Variants in LRBA observed in about 807,000 individuals in gnomAD.
LRBA encodes the protein LPS responsive beige-like anchor protein, also known as lipopolysaccharide-responsive and beige-like anchor protein.
Under a neutral mutation model 330.0 loss-of-function variants are expected in LRBA, and 176 were observed. The ratio of observed to expected loss-of-function variants is 0.53; its 90% CI spans 0.47 to 0.60. LRBA has a LOEUF of 0.60. Among genes scored for constraint, LRBA ranks in the 20% least tolerant of loss-of-function variants. The pLI is 0.00. For synonymous variants in LRBA, 1,230 were observed against 1,193.0 expected (o/e 1.03, Z -0.64); for missense variants, 3,259 against 3,444.8 (o/e 0.95, Z 1.35).
chr4:150,583,854 G>T lies in LRBA; in HGVS notation c.6330+4194C>A. On this transcript the variant is annotated intron_variant, in intron 40 of 56. Transcript: ENST00000651943. This position sits in a 1 kb window ranked among gnomAD's most constrained non-coding sequence, Gnocchi z 9.8. ...AGCCGCTCAACAACTACCACATGAA[G>T]ACGCTGCTGCTGTACGAGTGCGAGA... 2 of 1,614,216 alleles carry T rather than the reference G, an allele frequency of 1.2e-6. No individual in the cohort carries two copies. The highest frequency in any genetic ancestry group is 1.7e-6 in the Non-Finnish European group (2 of 1,180,030).
intron 40 of LRBA, among the ~76,000 whole-genome samples, chr4:150,536,227 CA>C (rs1191998365): frequency 6.6e-6 from 1 of 151,752 alleles, no homozygotes; most frequent in African/African-American, 2.4e-5. Flanking sequence ...CCACTTTGGG[CA>C]AAAAAGTTAC....
chr4:150,403,486 T>G (rs1037130026), intron 47 of LRBA, among the ~76,000 whole-genome samples: 1 of 152,274 alleles, frequency 6.6e-6, no homozygotes, highest in Non-Finnish European at 1.5e-5. Flanking sequence ...TACTGGGATT[T>G]CTAGCCATCT....
intron 26 of LRBA, 95 bp from the exon 27 acceptor site, chr4:150,844,874 A>G: frequency 9.8e-7 from 1 of 1,024,884 alleles, no homozygotes. Flanking sequence ...GATTTACATA[A>G]GATTTTATTC....
chr4:150,950,096 A>C (rs1176878346), intron 2 of LRBA, among the ~76,000 whole-genome samples: 2 of 152,132 alleles, frequency 1.3e-5, no homozygotes, highest in Non-Finnish European at 2.9e-5. Flanking sequence ...AAATCATCTA[A>C]ACCTTCATAC....
chr4:150,929,724 A>T (rs1485636335), intron 2 of LRBA, among the ~76,000 whole-genome samples: 1 of 152,206 alleles, frequency 6.6e-6, no homozygotes, highest in Non-Finnish European at 1.5e-5. Flanking sequence ...TAAATTTTAA[A>T]TAAATCGTAA....
At chr4:150,850,095 ATTT>A (rs1408280528) in intron 24 of LRBA, among the ~76,000 whole-genome samples, 2 of 142,888 alleles carry the variant, frequency 1.4e-5, no homozygotes, top group Non-Finnish European at 3.1e-5. Context: ...TGTTATAACA[ATTT>A]TTTTTTTTTT....
At chr4:150,410,118 G>T (rs1033759826) in intron 47 of LRBA, among the ~76,000 whole-genome samples, 5 of 151,928 alleles carry the variant, frequency 3.3e-5, no homozygotes, top group African/African-American at 4.8e-5. Flanking sequence ...ATGTTGTCTG[G>T]TCAGTGGTCT....
chr4:150,271,877 A>T (rs934592457), intron 56 of LRBA, among the ~76,000 whole-genome samples: 1 of 152,092 alleles, frequency 6.6e-6, no homozygotes, highest in Non-Finnish European at 1.5e-5. Flanking sequence ...CTTATAGATA[A>T]AACCCCCATC....
At chr4:151,010,700 G>A (rs957626982) in intron 2 of LRBA, among the ~76,000 whole-genome samples, 9 of 151,882 alleles carry the variant, frequency 5.9e-5, no homozygotes, top group African/African-American at 2.2e-4. Flanking sequence ...TGGCCAACAT[G>A]GTGAAACCTA....
At chr4:150,458,366 T>C (rs1044788446) in intron 44 of LRBA, among the ~76,000 whole-genome samples, 2 of 151,922 alleles carry the variant, frequency 1.3e-5, no homozygotes, top group Non-Finnish European at 1.5e-5. Context: ...CATAAAGAGT[T>C]GCACAGACAC....
At chr4:150,781,753 A>T (rs1046601015) in intron 34 of LRBA, among the ~76,000 whole-genome samples, 1 of 152,188 alleles carries the variant, frequency 6.6e-6, no homozygotes, top group Non-Finnish European at 1.5e-5. Context: ...TCAATACAAT[A>T]TTAATTTATT....
chr4:150,324,046 C>T (rs1732910417), intron 49 of LRBA, among the ~76,000 whole-genome samples: 1 of 152,130 alleles, frequency 6.6e-6, no homozygotes, highest in African/African-American at 2.4e-5. Context: ...AAGAGGAGTT[C>T]AGGTATTCAA....
chr4:150,304,799 C>A (rs1730145674), intron 52 of LRBA, among the ~76,000 whole-genome samples: 2 of 151,968 alleles, frequency 1.3e-5, no homozygotes, highest in African/African-American at 2.4e-5. Flanking sequence ...TACACGCAGG[C>A]CTTACATAGG....
intron 34 of LRBA, among the ~76,000 whole-genome samples, chr4:150,797,233 A>G (rs1185423392): frequency 6.6e-6 from 1 of 151,966 alleles, no homozygotes. Context: ...AAGAAACATT[A>G]ATTTTGCATT....
chr4:150,663,239 A>G (rs577311701), intron 37 of LRBA, among the ~76,000 whole-genome samples: 4 of 152,256 alleles, frequency 2.6e-5, no homozygotes, highest in African/African-American at 7.2e-5. Context: ...TTCAGAGAAT[A>G]AAGGGATCTA....
chr4:150,769,630 C>T (rs1336856386), intron 34 of LRBA, among the ~76,000 whole-genome samples: 1 of 152,192 alleles, frequency 6.6e-6, no homozygotes, highest in African/African-American at 2.4e-5. Context: ...ATGCCCAACA[C>T]TAACAGGGAG....
chr4:150,764,526 C>A (rs926687892), intron 34 of LRBA, among the ~76,000 whole-genome samples: 9 of 151,962 alleles, frequency 5.9e-5, no homozygotes, highest in African/African-American at 2.2e-4. Flanking sequence ...GGGATAAAAT[C>A]ATTTGTAAAA....
At chr4:150,388,374 C>A (rs75738806) in intron 47 of LRBA, among the ~76,000 whole-genome samples, 2 of 152,200 alleles carry the variant, frequency 1.3e-5, no homozygotes, top group Non-Finnish European at 2.9e-5. Context: ...CTTTATCACA[C>A]GCAAAATGCA....
rs2151995446 is a variant in LRBA at position 150,436,771 on chromosome 4, T to G, written c.6874A>C (p.Thr2292Pro). ...DDQVPKFHYG[T>P]HYSTASFVLA... ...ACAAAACTTGCAGTTGAGTAATGAG[T>G]ACCATAGTGAAACTTTGGAACTTGA... Residue 2292 changes from threonine (T) to proline (P), a missense_variant, in exon 45 of 57, where the codon ACT (threonine) becomes CCT (proline). Coordinates refer to ENST00000651943, the MANE Select transcript of LRBA (RefSeq NM_001364905.1). 3.7e-6 allele frequency: 6 copies of G among 1,613,404 alleles called. No homozygotes were observed. The highest frequency in any genetic ancestry group is 5.1e-6 in the Non-Finnish European group (6 of 1,179,548).
Sources: gnomAD v4.1 joint callset for allele counts (sites outside exome capture counted in the v4.1 genomes callset) on GRCh38, gnomAD v4.1.1 for gene constraint, Gnocchi (gnomAD v3.1) non-coding constraint, MANE v1.5 for transcripts, NCBI Gene and HGNC (gene_info 2026-07-23, HGNC 2026-07-21) for gene names.